The following CACNB1 variants were observed in gnomAD, a reference collection of about 807,000 sequenced individuals.
CACNB1 encodes calcium voltage-gated channel auxiliary subunit beta 1, also known as voltage-dependent L-type calcium channel subunit beta-1.
In CACNB1, 29 loss-of-function variants were observed where a neutral mutation model predicts 71.6. That is an observed-to-expected ratio of 0.40 (90% CI 0.30 to 0.55). The LOEUF is 0.55. CACNB1 is among the 20% of genes least tolerant of loss of function. The pLI, the probability that CACNB1 is intolerant of heterozygous loss-of-function variation, is 0.38. For missense variants in CACNB1, 623 were observed against 801.8 expected (o/e 0.78, Z 2.69); for synonymous variants, 300 against 319.6 (o/e 0.94, Z 0.65).
intron 11 of CACNB1, among the ~76,000 whole-genome samples, chr17:39,180,985 G>T (rs1351558073): frequency 6.6e-6 from 1 of 152,086 alleles, no homozygotes; most frequent in African/African-American, 2.4e-5. Flanking sequence ...AGATTTTTTT[G>T]ATACTATTCT....
Position 39,174,987 on chromosome 17 carries a change from A to T in CACNB1, c.*206T>A, listed in dbSNP as rs948534552. The T allele has an allele frequency of 1.5e-5, 9 of 586,240 alleles. No homozygotes were observed. Among genetic ancestry groups the T allele is most frequent in the Non-Finnish European group, 2.7e-5 (9 of 331,474 alleles). 36.3% of individuals were successfully genotyped at this position (586,240 alleles called of 1,614,324 possible). A position where few individuals can be genotyped will look rare whatever the true frequency, so the allele number is the denominator to read the frequency against. ...TGGGTATCCCCCATCCATCCACAAC[A>T]GGCAGGTAAAAACCGACAGCTGGGG... On this transcript the variant is annotated 3_prime_UTR_variant, in exon 14 of 14. Transcript: ENST00000394303.
chr17:39,184,290 A>G, intron 9 of CACNB1, 35 bp downstream of exon 9: 4 of 1,439,096 alleles, frequency 2.8e-6, no homozygotes, highest in Non-Finnish European at 3.8e-6. Flanking sequence ...GCAGAGAGCA[A>G]CGGCAGGTGC....
chr17:39,182,003 A>T (rs1334012587), intron 11 of CACNB1, among the ~76,000 whole-genome samples: 2 of 152,076 alleles, frequency 1.3e-5, no homozygotes, highest in Non-Finnish European at 2.9e-5. Context: ...TCTACTAAAA[A>T]TATAAAAATT....
In CACNB1 at chr17:39,177,552, A is replaced by G. The variant is rs2045616624; in HGVS notation, c.1147-17T>C. The G allele has an allele frequency of 6.5e-7, 1 of 1,540,706 alleles. No homozygotes were observed. The highest frequency in any genetic ancestry group is 8.8e-7 in the Non-Finnish European group (1 of 1,139,476). On this transcript the variant is annotated splice_polypyrimidine_tract_variant and intron_variant, in intron 12 of 13. Coordinates refer to ENST00000394303, the MANE Select transcript of CACNB1 (RefSeq NM_000723.5). ...AAACATTTCCTGTGAAGGCGGGGTT[A>G]GGGGGCAGGGCTGGGATGAGTGGGG... is the stretch of plus-strand genomic sequence containing the variant.
intron 11 of CACNB1, among the ~76,000 whole-genome samples, chr17:39,180,079 AC>A (rs935210073): frequency 1.3e-5 from 2 of 152,116 alleles, no homozygotes; most frequent in East Asian, 1.9e-4. Context: ...AGCCAGGCCA[AC>A]ATGGCAAAAC....
Position 39,187,168 on chromosome 17 carries a change from G to A in CACNB1, c.415-239C>T, listed in dbSNP as rs1040923376. On this transcript the variant is annotated intron_variant, in intron 4 of 13. Coordinates refer to ENST00000394303, the MANE Select transcript of CACNB1 (RefSeq NM_000723.5). ...CCACCGGCCCAATGCAATTCTGAGA[G>A]TCCTTCTCCCCATGTGCCCACCCTA... 6 of 602,818 alleles carry A rather than the reference G, an allele frequency of 1.0e-5. No individual in the cohort carries two copies. In the African/African-American group the frequency reaches 1.1e-4, roughly 11 times the overall value. The allele number at this position is 602,818 out of a possible 1,614,324, so 37.3% of individuals were successfully genotyped here. A position where few individuals can be genotyped will look rare whatever the true frequency, so the allele number is the denominator to read the frequency against.
chr17:39,192,531 G>C (rs1349520892), intron 2 of CACNB1: 1 of 152,350 alleles, frequency 6.6e-6, no homozygotes, highest in Non-Finnish European at 1.5e-5. Flanking sequence ...TGAGTGTACT[G>C]GGGGGGAGCT....
At chr17:39,179,786 G>A (rs1302607185) in intron 11 of CACNB1, among the ~76,000 whole-genome samples, 1 of 151,942 alleles carries the variant, frequency 6.6e-6, no homozygotes. Context: ...GCACATGCCT[G>A]TAGTCCCAGC....
chr17:39,189,060 A>AAATT lies in CACNB1; in HGVS notation c.292-1463_292-1460dup, dbSNP rs2046010068. 2.0e-5 allele frequency among the ~76,000 whole-genome samples: 3 copies of AAATT among 151,802 alleles called. No individual in the cohort carries two copies. In the South Asian group the frequency reaches 6.2e-4, roughly 32 times the overall value. ...CTCCGTCTCAAAAACAAAACAAAAT[A>AAATT]AATTAATTAAATAATAGTTATAGGC... On this transcript the variant is annotated intron_variant, in intron 3 of 13. Transcript: ENST00000394303.
chr17:39,175,529 C>G lies in CACNB1; in HGVS notation c.1461G>C (p.Arg487=), dbSNP rs116613643. The change falls in exon 14 of 14, where the codon CGG becomes CGC. Residue 487 remains arginine (R), a synonymous_variant. Transcript: ENST00000394303. This position sits in a 1 kb window ranked among gnomAD's most constrained non-coding sequence, Gnocchi z 4.7. ...GGGACAGTGCCCGTAGCGTGCCTGC[C>G]CGGCCTGGTGGGTGGCTGCTGGGGT... is the stretch of plus-strand genomic sequence containing the variant. ...GLYPSSHPPG[R]AGTLRALSRQ... 1.9e-6 allele frequency: 3 copies of G among 1,613,870 alleles called. No individual in the cohort carries two copies. The Admixed American group carries it at 5.0e-5, about 27-fold the overall frequency.
chr17:39,190,394 C>T (rs1252835897), intron 3 of CACNB1, among the ~76,000 whole-genome samples: 1 of 152,020 alleles, frequency 6.6e-6, no homozygotes. Flanking sequence ...GAGAGAGACC[C>T]TGTCTCATAA....
At chr17:39,184,919 C>G in intron 7 of CACNB1, 55 bp from the exon 8 acceptor site, 3 of 1,256,116 alleles carry the variant, frequency 2.4e-6, no homozygotes, top group Non-Finnish European at 2.3e-6. Context: ...ATTAGATCCT[C>G]TCCCCCAGAC....
Position 39,175,698 on chromosome 17 carries a change from A to C in CACNB1, c.1333-41T>G. Reference sequence around the variant, plus strand: ...ACAGCACACACCATGCAGATCAGGCAGGGGTGAGAAAAACACAACAAAGCA... The same window carrying C: ...ACAGCACACACCATGCAGATCAGGCCGGGGTGAGAAAAACACAACAAAGCA... On this transcript the variant is annotated intron_variant, in intron 13 of 13. Coordinates refer to ENST00000394303, the MANE Select transcript of CACNB1 (RefSeq NM_000723.5). The surrounding 1 kb of genome is among the most constrained non-coding windows in gnomAD (Gnocchi z 4.7). 2.8e-6 allele frequency: 4 copies of C among 1,444,926 alleles called. No homozygotes were observed. The highest frequency in any genetic ancestry group is 3.7e-6 in the Non-Finnish European group (4 of 1,067,980). The allele number at this position is 1,444,926 out of a possible 1,614,324, so 89.5% of individuals were successfully genotyped here.
chr17:39,186,980 G>C lies in CACNB1; in HGVS notation c.415-51C>G. The stretch of plus-strand genomic sequence containing the variant: ...GAAAGAGCAAGAGGGAAACTGCAGG[G>C]GCAAGCTAGCAGTCACTCTCTAGGG... On this transcript the variant is annotated intron_variant, in intron 4 of 13. Coordinates refer to ENST00000394303, the MANE Select transcript of CACNB1 (RefSeq NM_000723.5). The surrounding 1 kb of genome is among the most constrained non-coding windows in gnomAD (Gnocchi z 4.1). 6.3e-7 allele frequency: 1 copy of C among 1,596,562 alleles called. No homozygotes were observed. The highest frequency in any genetic ancestry group is 1.1e-5 in the South Asian group (1 of 90,330).
At chr17:39,193,124 C>T (rs1397193471) in intron 2 of CACNB1, 3 of 227,634 alleles carry the variant, frequency 1.3e-5, no homozygotes, top group South Asian at 4.3e-5. Context: ...TCACTGACCC[C>T]AACACACATG....
intron 2 of CACNB1, 31 bp from the exon 3 acceptor site, chr17:39,191,624 T>G (rs1447824348): frequency 1.2e-6 from 2 of 1,601,236 alleles, no homozygotes; most frequent in East Asian, 4.5e-5. Flanking sequence ...ATCAGGGCCA[T>G]TGCTGCCCCT....
At chr17:39,182,700 AAAATAAATAAATAAATAAAT>A (rs59927625) in intron 11 of CACNB1, among the ~76,000 whole-genome samples, 15 of 140,292 alleles carry the variant, frequency 1.1e-4, no homozygotes, top group South Asian at 2.3e-4. Flanking sequence ...GACTCTGTCT[AAAATAAATAAATAAATAAAT>A]AAATAAATAA....
rs746197912 is a variant in CACNB1, at chr17:39,186,838, C to A, written c.506G>T (p.Arg169Leu). 2.5e-6 allele frequency: 4 copies of A among 1,613,960 alleles called. No individual in the cohort carries two copies. The South Asian group carries it at 3.3e-5, about 13-fold the overall frequency. Residue 169 changes from arginine to leucine, a missense_variant, in exon 5 of 14, where the codon CGC (arginine) becomes CTC (leucine). Arg to Leu is a moderately radical substitution (Grantham distance 102). Coordinates refer to ENST00000394303, the MANE Select transcript of CACNB1 (RefSeq NM_000723.5). The surrounding 1 kb of genome is among the most constrained non-coding windows in gnomAD (Gnocchi z 4.1). ...GCGCAGCTTCTGTTCCTGCAGCAGG[C>A]GAAGGCTGTCCAGTTTGACGGGGCT... The part of the protein sequence containing the change: ...IPSPVKLDSL[R>L]LLQEQKLRQN...
rs750042661 is a variant in CACNB1, at chr17:39,186,078, CA to C, written c.628+417del. ...TCCTCTAACTCTAGGGGGTCTAGTT[CA>C]AAGGCTAAGTTAGTCATTTCATTAC... On this transcript the variant is annotated intron_variant, in intron 6 of 13. Transcript: ENST00000394303. The surrounding 1 kb of genome is among the most constrained non-coding windows in gnomAD (Gnocchi z 4.1). 6.2e-7 allele frequency: 1 copy of C among 1,613,976 alleles called. No individual in the cohort carries two copies. Among genetic ancestry groups the C allele is most frequent in the South Asian group, 1.1e-5 (1 of 91,070 alleles).
Sources: gnomAD v4.1 joint callset for allele counts (sites outside exome capture counted in the v4.1 genomes callset) on GRCh38, gnomAD v4.1.1 for gene constraint, Gnocchi (gnomAD v3.1) non-coding constraint, MANE v1.5 for transcripts, NCBI Gene and HGNC (gene_info 2026-07-23, HGNC 2026-07-21) for gene names.